The following CYTH3 variants were observed in gnomAD, a reference collection of about 807,000 sequenced individuals.
CYTH3 encodes the protein cytohesin-3.
Under a neutral mutation model 55.1 loss-of-function variants are expected in CYTH3, and 23 were observed. The observed-to-expected ratio is 0.42, with a 90% CI of 0.30 to 0.59. CYTH3 has a LOEUF of 0.59. CYTH3 is among the 20% of genes least tolerant of loss of function. CYTH3 has a pLI of 0.20. For missense variants in CYTH3, 413 were observed against 524.8 expected, an observed-to-expected ratio of 0.79 and a Z score of 2.08; for synonymous variants, 249 against 194.9, an observed-to-expected ratio of 1.28 and a Z score of -2.31.
chr7:6,193,127 C>G (rs373926314), intron 1 of CYTH3, among the ~76,000 whole-genome samples: 1 of 151,758 alleles, frequency 6.6e-6, no homozygotes, highest in Non-Finnish European at 1.5e-5. Flanking sequence ...AGCCGAGATC[C>G]CACCACTGCA....
At chr7:6,271,485 GAA>G (rs377557223) in intron 1 of CYTH3, among the ~76,000 whole-genome samples, 2 of 141,166 alleles carry the variant, frequency 1.4e-5, no homozygotes, top group Non-Finnish European at 1.6e-5. Context: ...AGATCTTCAG[GAA>G]AAAAAAAAAA....
Position 6,187,517 on chromosome 7 carries a change from G to C in CYTH3, c.182+140C>G, listed in dbSNP as rs186674097. 132 of 758,774 alleles carry C rather than the reference G, an allele frequency of 1.7e-4. No homozygotes were observed. The African/African-American group carries it at 2.1e-3, about 12-fold the overall frequency. 47.0% of individuals were successfully genotyped at this position (758,774 alleles called of 1,614,324 possible). ...CCCCTGGACCCCTCCACGCAGAGTA[G>C]GGGGAGAGGAGAGGAATTAACAACT... On this transcript the variant is annotated intron_variant, in intron 3 of 12. Transcript: ENST00000350796.
chr7:6,247,963 G>C (rs1011062402), intron 1 of CYTH3, among the ~76,000 whole-genome samples: 2 of 151,896 alleles, frequency 1.3e-5, no homozygotes, highest in African/African-American at 2.4e-5. Context: ...TTAGTGCCCA[G>C]CCTCATTTTA....
In CYTH3 at chr7:6,163,406, A is replaced by AG. The variant is rs1782896864; in HGVS notation, c.*1537dup. On this transcript the variant is annotated 3_prime_UTR_variant, in exon 13 of 13. Coordinates refer to ENST00000350796, the MANE Select transcript of CYTH3 (RefSeq NM_004227.4). Reference sequence around the variant, plus strand: ...TGGGGCAGGAAGAGGAAGTCCATAGAGGAAAAGCCAGCCACCAACCCAACA... The same window carrying AG: ...TGGGGCAGGAAGAGGAAGTCCATAGAGGGAAAAGCCAGCCACCAACCCAACA... The AG allele has an allele frequency of 6.5e-6, 1 of 152,768 alleles. No homozygotes were observed. Among genetic ancestry groups the AG allele is most frequent in the Non-Finnish European group, 1.5e-5 (1 of 68,502 alleles). 9.5% of individuals were successfully genotyped at this position (152,768 alleles called of 1,614,324 possible). A position where few individuals can be genotyped will look rare whatever the true frequency, so the allele number is the denominator to read the frequency against.
intron 1 of CYTH3, among the ~76,000 whole-genome samples, chr7:6,222,379 C>A (rs561065153): frequency 6.6e-6 from 1 of 152,262 alleles, no homozygotes; most frequent in South Asian, 2.1e-4. Context: ...AGTGATGACA[C>A]CTGCTGAAGA....
intron 1 of CYTH3, among the ~76,000 whole-genome samples, chr7:6,223,027 G>C (rs753633263): frequency 6.6e-6 from 1 of 152,198 alleles, no homozygotes; most frequent in Non-Finnish European, 1.5e-5. Context: ...TTCATTATTT[G>C]AAGCAAATAA....
chr7:6,264,744 GTATT>G (rs1780444372), intron 1 of CYTH3, among the ~76,000 whole-genome samples: 1 of 152,198 alleles, frequency 6.6e-6, no homozygotes, highest in Non-Finnish European at 1.5e-5. Flanking sequence ...ACTTTATTCA[GTATT>G]TATTAACAAA....
chr7:6,207,378 G>C (rs1332200739), intron 1 of CYTH3, among the ~76,000 whole-genome samples: 1 of 152,118 alleles, frequency 6.6e-6, no homozygotes, highest in East Asian at 1.9e-4. Context: ...ACAGGCGTGA[G>C]CTGCCACGCC....
At chr7:6,223,222 C>T (rs544111221) in intron 1 of CYTH3, among the ~76,000 whole-genome samples, 1 of 150,586 alleles carries the variant, frequency 6.6e-6, no homozygotes, top group African/African-American at 2.4e-5. Flanking sequence ...CGCCTCGGCC[C>T]GGCCGCCCCA....
intron 1 of CYTH3, among the ~76,000 whole-genome samples, chr7:6,212,160 G>A (rs1232771687): frequency 6.6e-6 from 1 of 151,682 alleles, no homozygotes; most frequent in African/African-American, 2.4e-5. Context: ...TTGAAGCAAG[G>A]TCTCCCGATG....
At chr7:6,186,985 G>GA in intron 4 of CYTH3, 65 bp downstream of exon 4, 2 of 1,530,770 alleles carry the variant, frequency 1.3e-6, no homozygotes. Flanking sequence ...GTCCAAAAGG[G>GA]AAACGGCAGT....
intron 1 of CYTH3, among the ~76,000 whole-genome samples, chr7:6,266,703 G>A (rs533228522): frequency 1.3e-5 from 2 of 149,448 alleles, no homozygotes; most frequent in African/African-American, 4.9e-5. Flanking sequence ...GGCCTTCCCT[G>A]GCCACGGGCT....
chr7:6,262,299 A>G (rs1185317918), intron 1 of CYTH3, among the ~76,000 whole-genome samples: 1 of 152,206 alleles, frequency 6.6e-6, no homozygotes, highest in Non-Finnish European at 1.5e-5. Flanking sequence ...GATAATGAAC[A>G]AGAATTCTGT....
At chr7:6,268,834 T>C (rs902700535) in intron 1 of CYTH3, among the ~76,000 whole-genome samples, 1 of 152,000 alleles carries the variant, frequency 6.6e-6, no homozygotes, top group Non-Finnish European at 1.5e-5. Flanking sequence ...GAATTTAATA[T>C]AAGGAATTAG....
chr7:6,170,659 A>G lies in CYTH3; in HGVS notation c.712-13T>C. ...TCTCATACAAATTCTGCAAGGAGGGAAAACAGCAGCCAGTTCAGAGACTCG... is the reference window on the plus strand; with the variant it reads ...TCTCATACAAATTCTGCAAGGAGGGGAAACAGCAGCCAGTTCAGAGACTCG... On this transcript the variant is annotated splice_polypyrimidine_tract_variant and intron_variant, in intron 8 of 12. Coordinates refer to ENST00000350796, the MANE Select transcript of CYTH3 (RefSeq NM_004227.4). The surrounding 1 kb of genome is among the most constrained non-coding windows in gnomAD (Gnocchi z 7.8). The G allele has an allele frequency of 6.2e-7, 1 of 1,611,462 alleles. No homozygotes were observed. The highest frequency in any genetic ancestry group is 8.5e-7 in the Non-Finnish European group (1 of 1,178,614).
chr7:6,257,708 A>G (rs1303580748), intron 1 of CYTH3, among the ~76,000 whole-genome samples: 1 of 152,198 alleles, frequency 6.6e-6, no homozygotes, highest in Non-Finnish European at 1.5e-5. Flanking sequence ...GGAGATCCTT[A>G]CTGAATGAAT....
chr7:6,215,673 A>G (rs1489345071), intron 1 of CYTH3, among the ~76,000 whole-genome samples: 1 of 152,200 alleles, frequency 6.6e-6, no homozygotes, highest in Admixed American at 6.5e-5. Context: ...TTCTTCTCAA[A>G]CTTGGCAAAA....
chr7:6,219,475 A>G (rs1784498597), intron 1 of CYTH3, among the ~76,000 whole-genome samples: 1 of 152,248 alleles, frequency 6.6e-6, no homozygotes, highest in African/African-American at 2.4e-5. Flanking sequence ...TGCTCTAAGG[A>G]AAGACAAGGG....
intron 1 of CYTH3, among the ~76,000 whole-genome samples, chr7:6,247,372 C>A (rs1163709786): frequency 1.3e-5 from 2 of 152,178 alleles, no homozygotes; most frequent in African/African-American, 4.8e-5. Context: ...GCTCTTCCCA[C>A]TAATTTTATC....
Sources: allele counts gnomAD v4.1 joint callset (sites outside exome capture counted in the v4.1 genomes callset), GRCh38; gene constraint gnomAD v4.1.1; non-coding constraint Gnocchi (gnomAD v3.1); transcripts MANE v1.5; gene names NCBI Gene and HGNC (gene_info 2026-07-23, HGNC 2026-07-21).